The following ELF2 variants were observed in gnomAD, a reference collection of about 807,000 sequenced individuals.
ELF2 encodes the protein E74 like ETS transcription factor 2, also known as ETS-related transcription factor Elf-2.
ELF2 carries 11 observed loss-of-function variants against 54.8 expected under a neutral mutation model. The ratio of observed to expected loss-of-function variants is 0.20; its 90% CI spans 0.13 to 0.33. The LOEUF (loss-of-function observed/expected upper bound fraction) is 0.33. ELF2 is among the 10% of genes least tolerant of loss of function. ELF2 has a pLI of 1.00. For missense variants in ELF2, 513 were observed against 703.0 expected, an observed-to-expected ratio of 0.73 and a Z score of 3.06; for synonymous variants, 203 against 245.1, an observed-to-expected ratio of 0.83 and a Z score of 1.61.
At chr4:139,164,405 G>A (rs1309689054) in intron 1 of ELF2, among the ~76,000 whole-genome samples, 1 of 152,144 alleles carries the variant, frequency 6.6e-6, no homozygotes, top group Admixed American at 6.5e-5. Flanking sequence ...GGAGGCGGAG[G>A]CGGGTGGATC....
intron 1 of ELF2, among the ~76,000 whole-genome samples, chr4:139,166,669 C>T (rs1741757792): frequency 6.6e-6 from 1 of 152,100 alleles, no homozygotes; most frequent in Admixed American, 6.5e-5. Flanking sequence ...GAGATCGAGA[C>T]CATCCTGGCT....
intron 4 of ELF2, among the ~76,000 whole-genome samples, chr4:139,098,531 C>T (rs936245237): frequency 6.6e-6 from 1 of 151,010 alleles, no homozygotes; most frequent in Non-Finnish European, 1.5e-5. Context: ...TGCAGTGGCA[C>T]GATCTCGGCT....
At chr4:139,176,538 C>T (rs1742945681) in intron 1 of ELF2, among the ~76,000 whole-genome samples, 1 of 152,142 alleles carries the variant, frequency 6.6e-6, no homozygotes, top group South Asian at 2.1e-4. Flanking sequence ...GAGCCGGACC[C>T]CCGCCCTGGC....
chr4:139,088,575 A>G (rs1048346660), intron 4 of ELF2, among the ~76,000 whole-genome samples: 1 of 151,862 alleles, frequency 6.6e-6, no homozygotes, highest in Admixed American at 6.6e-5. Flanking sequence ...AAACTGTCTG[A>G]CTTTTGTTTC....
At chr4:139,108,014 G>T (rs528342523) in intron 4 of ELF2, among the ~76,000 whole-genome samples, 1 of 151,880 alleles carries the variant, frequency 6.6e-6, no homozygotes, top group Non-Finnish European at 1.5e-5. Flanking sequence ...GTGAGAATGT[G>T]TATCTTTAAG....
At chr4:139,066,956 T>A (rs1171446786) in intron 7 of ELF2, 1 of 152,134 alleles carries the variant, frequency 6.6e-6, no homozygotes. Context: ...TTAGCTCACC[T>A]TGAATTCTTC....
chr4:139,060,356 GGTA>G lies in ELF2; in HGVS notation c.1122_1124del (p.Thr376del). On this transcript the variant is annotated inframe_deletion, in exon 9 of 10. Transcript: ENST00000686138. ...CTGCTGTTGCTGACACAGATGCAGTGGTAGTAGGAGACCTGGATGAAGCATCGT... is the reference window on the plus strand; with the variant it reads ...CTGCTGTTGCTGACACAGATGCAGTGGTAGGAGACCTGGATGAAGCATCGT... The G allele has an allele frequency of 6.2e-7, 1 of 1,612,704 alleles. No individual in the cohort carries two copies. Among genetic ancestry groups the G allele is most frequent in the Non-Finnish European group, 8.5e-7 (1 of 1,179,468 alleles).
intron 4 of ELF2, among the ~76,000 whole-genome samples, chr4:139,111,507 T>C (rs1017442371): frequency 6.6e-6 from 1 of 151,180 alleles, no homozygotes; most frequent in Non-Finnish European, 1.5e-5. Flanking sequence ...TTTTTTTTTT[T>C]TGTACAGACA....
intron 4 of ELF2, among the ~76,000 whole-genome samples, chr4:139,096,097 C>T (rs1733247748): frequency 1.3e-5 from 2 of 151,992 alleles, no homozygotes; most frequent in Admixed American, 6.6e-5. Context: ...GGCAACAGAA[C>T]AAGACTCTGT....
Position 139,137,852 on chromosome 4 carries a change from T to C in ELF2, c.-151A>G, listed in dbSNP as rs1314595633. 21 of 1,327,728 alleles carry C rather than the reference T, an allele frequency of 1.6e-5. No individual in the cohort carries two copies. The highest frequency in any genetic ancestry group is 4.0e-4 in the Middle Eastern group (2 of 5,026). 82.2% of individuals were successfully genotyped at this position (1,327,728 alleles called of 1,614,324 possible). A position where few individuals can be genotyped will look rare whatever the true frequency, so the allele number is the denominator to read the frequency against. ...ATCCAGAAATCCAGTCTTCTAAAGA[T>C]GATTAACCAGAAAGCCTAAAAAGAG... On this transcript the variant is annotated 5_prime_UTR_variant, in exon 3 of 10. Coordinates refer to ENST00000686138, the MANE Select transcript of ELF2 (RefSeq NM_001331036.3).
At chr4:139,112,078 T>C (rs530423822) in intron 4 of ELF2, among the ~76,000 whole-genome samples, 70 of 152,344 alleles carry the variant, frequency 4.6e-4, no homozygotes, top group African/African-American at 1.6e-3. Flanking sequence ...AAGAAACAGA[T>C]ACAAAGCTTT....
intron 1 of ELF2, among the ~76,000 whole-genome samples, chr4:139,142,989 G>T (rs1738865473): frequency 6.6e-6 from 1 of 151,922 alleles, no homozygotes; most frequent in Non-Finnish European, 1.5e-5. Context: ...ATGAATCCAG[G>T]CTGGAGGATT....
chr4:139,090,157 G>A (rs376420849), intron 4 of ELF2, among the ~76,000 whole-genome samples: 28 of 152,110 alleles, frequency 1.8e-4, no homozygotes, highest in African/African-American at 6.3e-4. Context: ...TTGAACTCCT[G>A]GTCTCAAGAT....
chr4:139,149,156 G>A (rs1444985636), intron 1 of ELF2, among the ~76,000 whole-genome samples: 2 of 152,156 alleles, frequency 1.3e-5, no homozygotes, highest in South Asian at 2.1e-4. Context: ...GAATTGGAAA[G>A]GAAGAAATGA....
intron 5 of ELF2, 92 bp from the exon 6 acceptor site, chr4:139,072,131 A>C (rs1329903013): frequency 1.2e-5 from 16 of 1,282,520 alleles, no homozygotes; most frequent in Middle Eastern, 3.8e-4. Context: ...GAGGTGTGTT[A>C]AGAATTAATC....
upstream of ELF2, among the ~76,000 whole-genome samples, chr4:139,177,750 C>T (rs1433158498): frequency 1.3e-5 from 2 of 152,144 alleles, no homozygotes; most frequent in Admixed American, 6.5e-5. Context: ...ACTCAGGGCC[C>T]CCGCAGGCCC....
At chr4:139,130,317 A>C (rs1019934003) in intron 3 of ELF2, among the ~76,000 whole-genome samples, 1 of 152,224 alleles carries the variant, frequency 6.6e-6, no homozygotes, top group Non-Finnish European at 1.5e-5. Flanking sequence ...CTGTTGTTTA[A>C]GCAACCTAGT....
intron 6 of ELF2, among the ~76,000 whole-genome samples, chr4:139,069,540 T>C (rs546182652): frequency 4.6e-5 from 7 of 152,314 alleles, no homozygotes; most frequent in African/African-American, 1.7e-4. Context: ...AGGCTTAATA[T>C]ATTTTCTCAT....
At chr4:139,137,428 T>C (rs1273941622) in intron 3 of ELF2, 4 of 602,002 alleles carry the variant, frequency 6.6e-6, no homozygotes, top group Admixed American at 3.0e-5. Context: ...AATATATGTA[T>C]GTTCCAACAA....
Sources: allele counts gnomAD v4.1 joint callset (sites outside exome capture counted in the v4.1 genomes callset), GRCh38; gene constraint gnomAD v4.1.1; transcripts MANE v1.5; gene names NCBI Gene and HGNC (gene_info 2026-07-23, HGNC 2026-07-21).